The following SEMA3D variants were observed in gnomAD, a reference collection of about 807,000 sequenced individuals.
SEMA3D encodes semaphorin 3D.
In SEMA3D, 84 loss-of-function variants were observed where a neutral mutation model predicts 100.1. The observed-to-expected ratio is 0.84, with a 90% CI of 0.70 to 1.01. The LOEUF (loss-of-function observed/expected upper bound fraction) is 1.01, where lower values mean the gene tolerates loss of function less well. Ranked by LOEUF, SEMA3D falls within the 50% of genes least tolerant of loss-of-function variation. The pLI is 0.00. For missense variants in SEMA3D, 875 were observed against 934.1 expected, an observed-to-expected ratio of 0.94 and a Z score of 0.82; for synonymous variants, 312 against 320.7, an observed-to-expected ratio of 0.97 and a Z score of 0.29.
intron 1 of SEMA3D, among the ~76,000 whole-genome samples, chr7:85,165,254 A>T (rs1790872308): frequency 7.3e-6 from 1 of 137,746 alleles, no homozygotes; most frequent in African/African-American, 2.9e-5. Context: ...TAAAAAAAGA[A>T]ATATAGAAGA....
At chr7:85,085,430 G>T (rs902801653) in intron 4 of SEMA3D, among the ~76,000 whole-genome samples, 1 of 152,108 alleles carries the variant, frequency 6.6e-6, no homozygotes, top group Non-Finnish European at 1.5e-5. Flanking sequence ...AAGAGGAGGG[G>T]CTTATTTAAA....
chr7:85,082,328 T>C (rs138695126), intron 4 of SEMA3D, among the ~76,000 whole-genome samples: 1,660 of 152,342 alleles, frequency 0.011, 36 homozygotes, highest in Non-Finnish European at 9.3e-3. Context: ...CTTTCAATTA[T>C]GCTTCACGAT....
chr7:85,035,645 G>A (rs558082688), intron 12 of SEMA3D, among the ~76,000 whole-genome samples: 128 of 152,014 alleles, frequency 8.4e-4, no homozygotes, highest in African/African-American at 2.2e-3. Context: ...AGAAGAATAA[G>A]CATTAGAGAT....
chr7:85,161,164 T>C (rs1790735668), intron 1 of SEMA3D, among the ~76,000 whole-genome samples: 1 of 152,190 alleles, frequency 6.6e-6, no homozygotes, highest in Non-Finnish European at 1.5e-5. Flanking sequence ...CTAAAAATTT[T>C]AGCTTTATCT....
At chr7:85,226,682 A>AT in the SEMA3D span, among the ~76,000 whole-genome samples, 1,697 of 147,656 alleles carry the variant, frequency 0.011, 19 homozygotes, top group African/African-American at 0.031. Flanking sequence ...TAAGATGAGG[A>AT]TTTTTTTTTT....
intron 1 of SEMA3D, chr7:85,157,653 A>T (rs1790636685): frequency 1.0e-6 from 1 of 983,310 alleles, no homozygotes; most frequent in Admixed American, 6.2e-5. Flanking sequence ...ACATACATCA[A>T]CATTGTTTGG....
chr7:85,050,302 T>C (rs1441052825), intron 9 of SEMA3D: 2 of 153,474 alleles, frequency 1.3e-5, no homozygotes, highest in Non-Finnish European at 2.9e-5. Flanking sequence ...CGAGAGCAGT[T>C]CTTTGGGGTG....
chr7:85,083,627 G>A (rs1788126198), intron 4 of SEMA3D, among the ~76,000 whole-genome samples: 1 of 151,732 alleles, frequency 6.6e-6, no homozygotes, highest in South Asian at 2.1e-4. Flanking sequence ...GGCGGATCAC[G>A]AGGTCAGGAG....
At chr7:85,215,430 T>C in the SEMA3D span, among the ~76,000 whole-genome samples, 6 of 152,158 alleles carry the variant, frequency 3.9e-5, no homozygotes, top group African/African-American at 1.4e-4. Context: ...TCTCGGCCAA[T>C]TTATTCAATC....
chr7:85,142,995 A>G (rs1317599409), intron 2 of SEMA3D: 47 of 979,090 alleles, frequency 4.8e-5, no homozygotes, highest in Non-Finnish European at 5.6e-5. Context: ...AACTTACTAA[A>G]CTTTTTTATC....
chr7:85,166,108 T>C (rs1220572345), intron 1 of SEMA3D, among the ~76,000 whole-genome samples: 3 of 152,056 alleles, frequency 2.0e-5, no homozygotes, highest in Non-Finnish European at 4.4e-5. Context: ...CTTGGAATGA[T>C]ACTGTTCTTA....
chr7:84,999,967 T>A, intron 18 of SEMA3D, 102 bp from the exon 19 acceptor site: 1 of 863,508 alleles, frequency 1.2e-6, no homozygotes, highest in Non-Finnish European at 1.8e-6. Context: ...ATGAAAGACA[T>A]ATTCATTGTC....
chr7:85,050,769 A>G, intron 9 of SEMA3D: 1 of 511,378 alleles, frequency 2.0e-6, no homozygotes. Context: ...AAAGAAAAAT[A>G]ATAATGTAAC....
At chr7:85,241,467 G>GTGTATATATATATATA in the SEMA3D span, among the ~76,000 whole-genome samples, 133 of 91,922 alleles carry the variant, frequency 1.4e-3, 9 homozygotes, top group East Asian at 0.03. Context: ...CTGTGTGTGT[G>GTGTATATATATATATA]TATATATATA....
chr7:85,141,122 A>G (rs1790038203), intron 2 of SEMA3D: 1 of 983,654 alleles, frequency 1.0e-6, no homozygotes, highest in Admixed American at 6.2e-5. Context: ...AACTGTTTTT[A>G]TAGGTGATTT....
intron 3 of SEMA3D, among the ~76,000 whole-genome samples, chr7:85,119,132 T>G (rs575069442): frequency 5.9e-5 from 9 of 152,304 alleles, no homozygotes; most frequent in African/African-American, 2.2e-4. Context: ...CTGGCAAGGT[T>G]GTGGAGAAAA....
At chr7:85,137,483 T>C (rs1789902458) in intron 2 of SEMA3D, among the ~76,000 whole-genome samples, 1 of 152,104 alleles carries the variant, frequency 6.6e-6, no homozygotes, top group South Asian at 2.1e-4. Context: ...GTCATCAGTA[T>C]TAATGATACC....
At chr7:85,236,299 T>G in the SEMA3D span, among the ~76,000 whole-genome samples, 261 of 148,924 alleles carry the variant, frequency 1.8e-3, no homozygotes, top group African/African-American at 6.2e-3. Flanking sequence ...ATTTATTTAT[T>G]TATTTATTTA....
chr7:85,173,061 G>C (rs1791128003), intron 1 of SEMA3D, among the ~76,000 whole-genome samples: 1 of 151,942 alleles, frequency 6.6e-6, no homozygotes, highest in African/African-American at 2.4e-5. Flanking sequence ...CAAGGAGATG[G>C]GAATGAGAGC....
Sources: allele counts gnomAD v4.1 joint callset (sites outside exome capture counted in the v4.1 genomes callset), GRCh38; gene constraint gnomAD v4.1.1; transcripts MANE v1.5; gene names NCBI Gene and HGNC (gene_info 2026-07-23, HGNC 2026-07-21).